The following PDE1A variants were observed in gnomAD, a reference collection of about 807,000 sequenced individuals.
The protein encoded by PDE1A is phosphodiesterase 1A.
In PDE1A, 35 loss-of-function variants were observed where a neutral mutation model predicts 61.7. The observed-to-expected ratio is 0.57, with a 90% CI of 0.43 to 0.75. The LOEUF (loss-of-function observed/expected upper bound fraction) is 0.75, where lower values mean the gene tolerates loss of function less well. PDE1A is among the 30% of genes least tolerant of loss of function. The pLI is 0.00. For synonymous variants in PDE1A, 232 were observed against 213.2 expected, an observed-to-expected ratio of 1.09 and a Z score of -0.77; for missense variants, 597 against 630.6, an observed-to-expected ratio of 0.95 and a Z score of 0.57.
At chr2:182,456,406 C>A (rs1685925590) in intron 2 of PDE1A, among the ~76,000 whole-genome samples, 2 of 152,002 alleles carry the variant, frequency 1.3e-5, no homozygotes, top group Admixed American at 6.6e-5. Context: ...TCATAGTGCT[C>A]CCCTTATTAG....
chr2:182,437,140 T>A (rs1684480895), intron 2 of PDE1A, among the ~76,000 whole-genome samples: 1 of 151,974 alleles, frequency 6.6e-6, no homozygotes, highest in Non-Finnish European at 1.5e-5. Flanking sequence ...TTTTGCCATT[T>A]GTTTGCTGTA....
chr2:182,670,831 G>T, the PDE1A span, among the ~76,000 whole-genome samples: 1 of 152,090 alleles, frequency 6.6e-6, no homozygotes, highest in African/African-American at 2.4e-5. Context: ...AGGGGAGGCG[G>T]GTGGTGGATG....
intron 1 of PDE1A, among the ~76,000 whole-genome samples, chr2:182,331,287 G>T (rs1461585591): frequency 6.6e-6 from 1 of 152,188 alleles, no homozygotes; most frequent in Non-Finnish European, 1.5e-5. Flanking sequence ...GTCCCTATAA[G>T]TCTTGACTCT....
intron 1 of PDE1A, among the ~76,000 whole-genome samples, chr2:182,326,190 G>T (rs1239363296): frequency 2.0e-5 from 3 of 152,094 alleles, no homozygotes; most frequent in Non-Finnish European, 4.4e-5. Context: ...GTGCATTACT[G>T]GTGAGAATAT....
intron 2 of PDE1A, among the ~76,000 whole-genome samples, chr2:182,504,711 C>T (rs142193656): frequency 2.7e-3 from 416 of 152,280 alleles, no homozygotes; most frequent in African/African-American, 9.5e-3. Flanking sequence ...TTCTGATAAA[C>T]ACTGTATGAG....
At chr2:182,404,301 T>C (rs893765485) in intron 1 of PDE1A, among the ~76,000 whole-genome samples, 11 of 152,188 alleles carry the variant, frequency 7.2e-5, no homozygotes, top group African/African-American at 2.7e-4. Flanking sequence ...GGCCAACTTC[T>C]AAGAGAGATG....
chr2:182,437,881 C>T (rs1444525378), intron 2 of PDE1A, among the ~76,000 whole-genome samples: 1 of 151,840 alleles, frequency 6.6e-6, no homozygotes, highest in African/African-American at 2.4e-5. Context: ...TGGTTCTTAT[C>T]TTAAATTTAT....
chr2:182,571,936 T>A, the PDE1A span, among the ~76,000 whole-genome samples: 1 of 152,180 alleles, frequency 6.6e-6, no homozygotes, highest in Non-Finnish European at 1.5e-5. Context: ...AAGCTAACCA[T>A]GTGGCAAAGT....
chr2:182,199,433 G>A (rs1686421119), intron 10 of PDE1A, among the ~76,000 whole-genome samples: 1 of 151,738 alleles, frequency 6.6e-6, no homozygotes. Context: ...TTTTTCTAAT[G>A]TAAGTATGTG....
chr2:182,377,708 T>A (rs1403316799), intron 1 of PDE1A, among the ~76,000 whole-genome samples: 1 of 152,210 alleles, frequency 6.6e-6, no homozygotes, highest in Non-Finnish European at 1.5e-5. Context: ...AATGAAAATA[T>A]GTGTCCACAA....
intron 1 of PDE1A, among the ~76,000 whole-genome samples, chr2:182,411,167 A>C (rs1280009246): frequency 6.6e-6 from 1 of 152,222 alleles, no homozygotes; most frequent in Non-Finnish European, 1.5e-5. Flanking sequence ...ACTGTCCTAC[A>C]TTAGTGTTGC....
intron 2 of PDE1A, among the ~76,000 whole-genome samples, chr2:182,504,796 T>C (rs1298368576): frequency 1.3e-5 from 2 of 152,220 alleles, no homozygotes; most frequent in African/African-American, 2.4e-5. Flanking sequence ...AGTGACAGCT[T>C]CAAAATGGTG....
chr2:182,653,035 G>A, the PDE1A span, among the ~76,000 whole-genome samples: 1 of 152,130 alleles, frequency 6.6e-6, no homozygotes, highest in Non-Finnish European at 1.5e-5. Flanking sequence ...CAGGATCATG[G>A]GGCTCATTTC....
intron 13 of PDE1A, among the ~76,000 whole-genome samples, chr2:182,175,491 A>C: frequency 7.0e-6 from 1 of 142,562 alleles, no homozygotes; most frequent in Non-Finnish European, 1.5e-5. Flanking sequence ...TCTTTTGAGA[A>C]GTGTCTGTTC....
intron 1 of PDE1A, among the ~76,000 whole-genome samples, chr2:182,412,806 T>C (rs1574594484): frequency 1.3e-5 from 2 of 152,322 alleles, no homozygotes; most frequent in Middle Eastern, 6.8e-3. Context: ...CCATCAAGTT[T>C]ACACTAAGAA....
chr2:182,171,667 T>TG (rs1692227087), intron 13 of PDE1A, among the ~76,000 whole-genome samples: 1 of 151,522 alleles, frequency 6.6e-6, no homozygotes, highest in African/African-American at 2.4e-5. Flanking sequence ...GGCTAATTAT[T>TG]GGGGGTATAT....
At chr2:182,163,498 G>T (rs929526995), downstream of PDE1A, among the ~76,000 whole-genome samples, 2 of 152,090 alleles carry the variant, frequency 1.3e-5, no homozygotes, top group African/African-American at 4.8e-5. Flanking sequence ...CAACCACTGT[G>T]GATTTATTGG....
intron 2 of PDE1A, among the ~76,000 whole-genome samples, chr2:182,482,600 A>G (rs903805574): frequency 6.6e-6 from 1 of 151,986 alleles, no homozygotes; most frequent in African/African-American, 2.4e-5. Context: ...CAAACAGCAA[A>G]TTGAGAAGCA....
chr2:182,223,896 T>C (rs1449852161), exon 7 of PDE1A: 19 of 1,600,958 alleles, frequency 1.2e-5, no homozygotes, highest in Non-Finnish European at 1.6e-5. Flanking sequence ...TTGTTGTCCC[T>C]GTATGCTCAT....
Sources: gnomAD v4.1 joint callset for allele counts (sites outside exome capture counted in the v4.1 genomes callset) on GRCh38, gnomAD v4.1.1 for gene constraint, MANE v1.5 for transcripts, NCBI Gene and HGNC (gene_info 2026-07-23, HGNC 2026-07-21) for gene names.